The following SLC25A37 variants were observed in gnomAD, a reference collection of about 807,000 sequenced individuals.
SLC25A37 encodes mitoferrin-1.
In SLC25A37, 17 loss-of-function variants were observed where a neutral mutation model predicts 31.0. The observed-to-expected ratio is 0.55, with a 90% CI of 0.38 to 0.82. The LOEUF (loss-of-function observed/expected upper bound fraction) is 0.82, where lower values mean the gene tolerates loss of function less well. Ranked by LOEUF, SLC25A37 falls within the 40% of genes least tolerant of loss-of-function variation. SLC25A37 has a pLI of 0.00. For missense variants in SLC25A37, 404 were observed against 465.8 expected, an observed-to-expected ratio of 0.87 and a Z score of 1.22; for synonymous variants, 222 against 193.0, an observed-to-expected ratio of 1.15 and a Z score of -1.24.
intron 2 of SLC25A37, chr8:23,566,702 T>C: frequency 2.0e-6 from 2 of 1,001,358 alleles, no homozygotes; most frequent in Non-Finnish European, 2.4e-6. Flanking sequence ...ACAAAACTTT[T>C]GAATGCTGGA....
At position 23,552,719 on chromosome 8, in the gene SLC25A37, C is replaced by T. The variant is rs140471380; in HGVS notation, c.211-13389C>T. On this transcript the variant is annotated intron_variant, in intron 1 of 3. Transcript: ENST00000519973. ...TTTGAGCATTGGGTGGGTGGTTGAA[C>T]GCAGTTTCTTTGAGATTCTGTGATT... 3.4e-3 allele frequency among the ~76,000 whole-genome samples: 513 copies of T among 152,266 alleles called. 4 individuals carry two copies. Among genetic ancestry groups the T allele is most frequent in the African/African-American group, 0.012 (490 of 41,558 alleles).
chr8:23,556,907 A>G (rs375418831), intron 1 of SLC25A37, among the ~76,000 whole-genome samples: 6 of 151,990 alleles, frequency 3.9e-5, no homozygotes, highest in African/African-American at 1.2e-4. Context: ...CTGGAGTGCA[A>G]TGGTGCGATC....
chr8:23,568,452 G>A, intron 3 of SLC25A37, 74 bp downstream of exon 3: 2 of 1,561,298 alleles, frequency 1.3e-6, no homozygotes, highest in Middle Eastern at 1.7e-4. Context: ...GTGGGAGAGT[G>A]GAGAGGACTG....
chr8:23,534,354 G>A (rs952949961), intron 1 of SLC25A37, among the ~76,000 whole-genome samples: 1 of 152,170 alleles, frequency 6.6e-6, no homozygotes, highest in African/African-American at 2.4e-5. Flanking sequence ...CTATCTTGGG[G>A]TTCAAATTCC....
chr8:23,546,040 C>T lies in SLC25A37; in HGVS notation c.210+16828C>T, dbSNP rs139588299. On this transcript the variant is annotated intron_variant, in intron 1 of 3. Coordinates refer to ENST00000519973, the MANE Select transcript of SLC25A37 (RefSeq NM_016612.4). ...ATCTCAGCTACTTGAGAGGCTGAGG[C>T]GGGAGAATCACTTGAACCCGGGAGG... is the stretch of plus-strand genomic sequence containing the variant. 2.5e-3 allele frequency among the ~76,000 whole-genome samples: 373 copies of T among 151,628 alleles called. 10 individuals carry two copies. In the East Asian group the frequency reaches 0.057, roughly 23 times the overall value.
rs529971788 is a variant in SLC25A37, at chr8:23,545,960, C to T, written c.210+16748C>T. ...GACCAGCCTGGCCAACATGGTGAAACCCCGTCTCAACTAAAAATACAAAAA... is the reference window on the plus strand; with the variant it reads ...GACCAGCCTGGCCAACATGGTGAAATCCCGTCTCAACTAAAAATACAAAAA... On this transcript the variant is annotated intron_variant, in intron 1 of 3. Transcript: ENST00000519973. 5.3e-4 allele frequency among the ~76,000 whole-genome samples: 81 copies of T among 152,256 alleles called. No individual in the cohort carries two copies. In the South Asian group the frequency reaches 0.015, roughly 29 times the overall value.
At chr8:23,566,416 C>T (rs1427573508) in intron 2 of SLC25A37, 80 bp downstream of exon 2, 2 of 1,516,692 alleles carry the variant, frequency 1.3e-6, no homozygotes, top group East Asian at 2.4e-5. Flanking sequence ...TCCCTGTGAC[C>T]CAGCCGCCTC....
chr8:23,553,499 A>T (rs1802283401), intron 1 of SLC25A37, among the ~76,000 whole-genome samples: 1 of 152,116 alleles, frequency 6.6e-6, no homozygotes, highest in African/African-American at 2.4e-5. Flanking sequence ...TATGAGTGGG[A>T]TGTTTATGGG....
At chr8:23,546,529 GTGTATATATA>G (rs1431534725) in intron 1 of SLC25A37, among the ~76,000 whole-genome samples, 10,990 of 64,236 alleles carry the variant, frequency 0.17, 1,911 homozygotes, top group African/African-American at 0.46. Flanking sequence ...ATATATATAG[GTGTATATATA>G]TATATATATA....
At chr8:23,557,521 G>A (rs1234797307) in intron 1 of SLC25A37, among the ~76,000 whole-genome samples, 1 of 152,204 alleles carries the variant, frequency 6.6e-6, no homozygotes, top group Admixed American at 6.5e-5. Context: ...TTGTGGCGTG[G>A]AGTTTCAGTG....
chr8:23,544,584 C>T (rs1801986205), intron 1 of SLC25A37, among the ~76,000 whole-genome samples: 2 of 152,100 alleles, frequency 1.3e-5, no homozygotes, highest in South Asian at 2.1e-4. Flanking sequence ...CTTCAGGGAT[C>T]CTGCACCTCA....
intron 1 of SLC25A37, among the ~76,000 whole-genome samples, chr8:23,559,354 CGT>C (rs775824828): frequency 4.0e-5 from 6 of 151,036 alleles, no homozygotes; most frequent in Non-Finnish European, 7.4e-5. Flanking sequence ...TGTGTGTGTG[CGT>C]GTGTGTGCGC....
intron 1 of SLC25A37, among the ~76,000 whole-genome samples, chr8:23,539,741 C>G (rs1304682827): frequency 6.6e-6 from 1 of 152,230 alleles, no homozygotes; most frequent in Non-Finnish European, 1.5e-5. Context: ...ATGGCTCTTG[C>G]AAACCTTAAC....
At chr8:23,534,562 G>C (rs942144727) in intron 1 of SLC25A37, among the ~76,000 whole-genome samples, 1 of 151,990 alleles carries the variant, frequency 6.6e-6, no homozygotes, top group African/African-American at 2.4e-5. Flanking sequence ...CCTCTTTACC[G>C]AATGTTTCTT....
rs1802723601 is a variant in SLC25A37 at position 23,568,354 on chromosome 8, G to A, written c.472G>A (p.Asp158Asn). ...TGGGAGTATGGCCACCCTGCTCCAC[G>A]ATGCGGTAATGAATCCAGCAGAAGG... ...IAGSMATLLH[D>N]AVMNPAEVVK... The change falls in exon 3 of 4, where the codon GAT becomes AAT. Residue 158 changes from aspartate to asparagine, a missense_variant. Asp to Asn is a conservative substitution (Grantham distance 23). Around this residue, in one of 3 missense-constraint regions of SLC25A37, gnomAD observed 243 missense variants for 284.4 expected, o/e 0.85. Coordinates refer to ENST00000519973, the MANE Select transcript of SLC25A37 (RefSeq NM_016612.4). The A allele has an allele frequency of 2.5e-6, 4 of 1,613,752 alleles. No homozygotes were observed. The highest frequency in any genetic ancestry group is 3.4e-6 in the Non-Finnish European group (4 of 1,179,880).
chr8:23,572,190 T>C lies in SLC25A37; in HGVS notation c.*335T>C, dbSNP rs1259462718. On this transcript the variant is annotated 3_prime_UTR_variant, in exon 4 of 4. Coordinates refer to ENST00000519973, the MANE Select transcript of SLC25A37 (RefSeq NM_016612.4). ...CCAGAGGAGGGAAGAAAATTTGCAG[T>C]GACTGAAAACAGTAAAAAAAAAAAA... The C allele has an allele frequency of 1.6e-5, 2 of 125,848 alleles. No homozygotes were observed. The highest frequency in any genetic ancestry group is 4.0e-4 in the East Asian group (2 of 4,942). 7.8% of individuals were successfully genotyped at this position (125,848 alleles called of 1,614,324 possible). A position where few individuals can be genotyped will look rare whatever the true frequency, so the allele number is the denominator to read the frequency against.
chr8:23,546,618 G>A (rs184629399), intron 1 of SLC25A37, among the ~76,000 whole-genome samples: 25,286 of 134,726 alleles, frequency 0.19, 3,000 homozygotes, highest in South Asian at 0.28. Flanking sequence ...GTGTGTGTGT[G>A]TGTATATATA....
In SLC25A37 at chr8:23,531,246, C is replaced by T. The variant is rs185398129; in HGVS notation, c.210+2034C>T. Among the ~76,000 whole-genome samples, 192 of 152,312 alleles carry T rather than the reference C, an allele frequency of 1.3e-3. 1 individual carries two copies. The highest frequency in any genetic ancestry group is 4.4e-3 in the African/African-American group (181 of 41,576). ...CAGTTGTCTGCCAAGCATGAGGAGT[C>T]AGGGGTGCATCCTCCATCATGGAAA... On this transcript the variant is annotated intron_variant, in intron 1 of 3. Coordinates refer to ENST00000519973, the MANE Select transcript of SLC25A37 (RefSeq NM_016612.4).
At position 23,529,059 on chromosome 8, in the gene SLC25A37, G is replaced by A; in HGVS notation, c.57G>A (p.Gly19=). 1 of 1,584,588 alleles carries A rather than the reference G, an allele frequency of 6.3e-7. No individual in the cohort carries two copies. The highest frequency in any genetic ancestry group is 8.6e-7 in the Non-Finnish European group (1 of 1,166,866). ...AGGCGGTGGCGCGGAGGATGGATGGGGACAGCCGAGATGGCGGCGGCGGCA... is the reference window on the plus strand; with the variant it reads ...AGGCGGTGGCGCGGAGGATGGATGGAGACAGCCGAGATGGCGGCGGCGGCA... ...GSQAVARRMD[G]DSRDGGGGKD... Residue 19 remains glycine, a synonymous_variant, in exon 1 of 4, where the codon GGG becomes GGA. Coordinates refer to ENST00000519973, the MANE Select transcript of SLC25A37 (RefSeq NM_016612.4). This position sits in a 1 kb window ranked among gnomAD's most constrained non-coding sequence, Gnocchi z 4.1.
Sources: allele counts gnomAD v4.1 joint callset (sites outside exome capture counted in the v4.1 genomes callset), GRCh38; gene constraint gnomAD v4.1.1; regional missense constraint gnomAD v4.1.1; non-coding constraint Gnocchi (gnomAD v3.1); transcripts MANE v1.5; gene names NCBI Gene and HGNC (gene_info 2026-07-23, HGNC 2026-07-21).